The following UBE3B variants were observed in gnomAD, a reference collection of about 807,000 sequenced individuals.
The protein encoded by UBE3B is ubiquitin-protein ligase E3B.
UBE3B carries 80 observed loss-of-function variants against 132.3 expected under a neutral mutation model. That is an observed-to-expected ratio of 0.60 (90% confidence interval 0.50 to 0.73). The LOEUF is 0.73. Among genes scored for constraint, UBE3B ranks in the 30% least tolerant of loss-of-function variants. The pLI, the probability that UBE3B is intolerant of heterozygous loss-of-function variation, is 0.00. For synonymous variants in UBE3B, 487 were observed against 520.4 expected, an observed-to-expected ratio of 0.94 and a Z score of 0.87; for missense variants, 1,196 against 1,362.5, an observed-to-expected ratio of 0.88 and a Z score of 1.92.
intron 6 of UBE3B, among the ~76,000 whole-genome samples, chr12:109,487,805 C>A (rs998432624): frequency 1.3e-5 from 2 of 152,196 alleles, no homozygotes; most frequent in Admixed American, 1.3e-4. Flanking sequence ...CTGTTCATTT[C>A]CCACGTGGCC....
chr12:109,541,165 C>G (rs948293619), downstream of UBE3B, among the ~76,000 whole-genome samples: 8 of 152,228 alleles, frequency 5.3e-5, no homozygotes, highest in South Asian at 1.7e-3. Flanking sequence ...AGCTAGGGTC[C>G]CCTCACTAGT....
chr12:109,533,696 G>A lies in UBE3B; in HGVS notation c.3015+138G>A, dbSNP rs769175062. ...GGACCCCTCAGAGCCAAGTGAGGAG[G>A]GCCCCACAGTTCTCACGGCAGGAGA... On this transcript the variant is annotated intron_variant, in intron 27 of 27. Coordinates refer to ENST00000342494, the MANE Select transcript of UBE3B (RefSeq NM_130466.4). 11 of 931,066 alleles carry A rather than the reference G, an allele frequency of 1.2e-5. No individual in the cohort carries two copies. In the South Asian group the frequency reaches 1.4e-4, roughly 11 times the overall value. 57.7% of individuals were successfully genotyped at this position (931,066 alleles called of 1,614,324 possible).
At chr12:109,510,693 A>G (rs922190444) in intron 17 of UBE3B, among the ~76,000 whole-genome samples, 5 of 152,252 alleles carry the variant, frequency 3.3e-5, no homozygotes, top group Non-Finnish European at 7.3e-5. Context: ...GAGCCAGATT[A>G]TATTTAGCAT....
chr12:109,486,721 A>C, intron 6 of UBE3B, 146 bp downstream of exon 6: 1 of 702,872 alleles, frequency 1.4e-6, no homozygotes, highest in Non-Finnish European at 2.3e-6. Context: ...AGGAATTTTG[A>C]TTCTGTTATC....
chr12:109,494,376 C>T (rs1477671407), intron 9 of UBE3B, among the ~76,000 whole-genome samples: 1 of 152,320 alleles, frequency 6.6e-6, no homozygotes, highest in South Asian at 2.1e-4. Flanking sequence ...GTTCCTCACA[C>T]TGCCGTGGCA....
intron 4 of UBE3B, 160 bp downstream of exon 4, chr12:109,484,141 G>C: frequency 1.4e-6 from 1 of 690,454 alleles, no homozygotes; most frequent in Non-Finnish European, 2.2e-6. Flanking sequence ...GAGGGATTAT[G>C]CCCAGTGCTT....
intron 9 of UBE3B, among the ~76,000 whole-genome samples, chr12:109,495,795 T>G (rs1419055379): frequency 6.6e-6 from 1 of 152,222 alleles, no homozygotes; most frequent in Non-Finnish European, 1.5e-5. Flanking sequence ...CTCATGCTAT[T>G]GTTTGTGGTT....
At chr12:109,514,380 G>A (rs1235315313) in intron 18 of UBE3B, among the ~76,000 whole-genome samples, 5 of 152,210 alleles carry the variant, frequency 3.3e-5, no homozygotes, top group Non-Finnish European at 7.3e-5. Context: ...CACTGCAGTC[G>A]CTGAGGTTGC....
chr12:109,544,302 A>G, the UBE3B span, among the ~76,000 whole-genome samples: 1 of 143,058 alleles, frequency 7.0e-6, no homozygotes, highest in Non-Finnish European at 1.5e-5. Flanking sequence ...GAGAGAGGGA[A>G]GTTGGGGTGC....
chr12:109,477,742 G>A lies in UBE3B; in HGVS notation c.-495G>A, dbSNP rs1874533362. The A allele has an allele frequency of 5.9e-6, 1 of 169,494 alleles. No homozygotes were observed. The highest frequency in any genetic ancestry group is 2.4e-5 in the African/African-American group (1 of 41,714). The allele number at this position is 169,494 out of a possible 1,614,324, so 10.5% of individuals were successfully genotyped here. ...GGCAGCTGCGGCCCCGACCCCAAGTGCGGGGACCTCCGGCGAATAAAGGTC... is the reference window on the plus strand; with the variant it reads ...GGCAGCTGCGGCCCCGACCCCAAGTACGGGGACCTCCGGCGAATAAAGGTC... On this transcript the variant is annotated 5_prime_UTR_variant, in exon 1 of 28. Coordinates refer to ENST00000342494, the MANE Select transcript of UBE3B (RefSeq NM_130466.4).
At position 109,534,622 on chromosome 12, in the gene UBE3B, G is replaced by A. The variant is rs745426222; in HGVS notation, c.3047G>A (p.Arg1016Gln). The A allele has an allele frequency of 2.1e-5, 34 of 1,610,948 alleles. No individual in the cohort carries two copies. Among genetic ancestry groups the A allele is most frequent in the Admixed American group, 5.0e-5 (3 of 59,634 alleles). The change falls in exon 28 of 28, where the codon CGG becomes CAG. Residue 1016 changes from arginine to glutamine, a missense_variant. Transcript: ENST00000342494. The surrounding 1 kb of genome is among the most constrained non-coding windows in gnomAD (Gnocchi z 5.2). ...DTGDTLGSVL[R>Q]GFFTIRKREP... Reference sequence around the variant, plus strand: ...GGGGACACTCTGGGCAGCGTCCTCCGGGGCTTCTTCACCATCCGCAAGCGG... The same window carrying A: ...GGGGACACTCTGGGCAGCGTCCTCCAGGGCTTCTTCACCATCCGCAAGCGG...
chr12:109,533,749 C>T (rs1287299178), intron 27 of UBE3B, 191 bp downstream of exon 27: 3 of 823,132 alleles, frequency 3.6e-6, no homozygotes, highest in Non-Finnish European at 2.0e-6. Flanking sequence ...AGACTGCCCA[C>T]GGACTCAGCC....
intron 13 of UBE3B, among the ~76,000 whole-genome samples, 185 bp downstream of exon 13, chr12:109,501,719 A>C (rs1381409914): frequency 6.6e-6 from 1 of 152,170 alleles, no homozygotes; most frequent in Non-Finnish European, 1.5e-5. Context: ...TGGCATGATC[A>C]TAGCTTACTA....
In UBE3B at chr12:109,509,643, T is replaced by G. The variant is rs1880113863; in HGVS notation, c.1670T>G (p.Leu557Arg). The G allele has an allele frequency of 6.2e-7, 1 of 1,611,448 alleles. No homozygotes were observed. The highest frequency in any genetic ancestry group is 1.1e-5 in the South Asian group (1 of 90,220). The change falls in exon 16 of 28, where the codon CTG becomes CGG. Residue 557 changes from leucine to arginine, a missense_variant. Leu to Arg is a moderately radical substitution (Grantham distance 102). Transcript: ENST00000342494. ...TATGAAGAACAGATTTCATTCAAAC[T>G]GGAAGAGCTGGTCACTATCTCCTCT... ...EVYEEQISFKLEELVTISSFL... is the reference protein window; with the variant it reads ...EVYEEQISFKREELVTISSFL...
Position 109,503,163 on chromosome 12 carries a change from A to T in UBE3B, c.1423A>T (p.Thr475Ser), listed in dbSNP as rs370965720. 4.5e-5 allele frequency: 72 copies of T among 1,614,058 alleles called. No individual in the cohort carries two copies. Among genetic ancestry groups the T allele is most frequent in the Non-Finnish European group, 5.6e-5 (66 of 1,180,010 alleles). Reference protein sequence around the residue: ...VLYQTSLTTLTQIRLQILTGL... With the variant: ...VLYQTSLTTLSQIRLQILTGL... ...CTACCAGACCTCGCTGACAACTCTC[A>T]CACAGATTCGGCTGCAGATACTCAC... is the stretch of plus-strand genomic sequence containing the variant. Residue 475 changes from threonine to serine, a missense_variant, in exon 14 of 28, where the codon ACA becomes TCA. Coordinates refer to ENST00000342494, the MANE Select transcript of UBE3B (RefSeq NM_130466.4).
At chr12:109,509,787 C>A in intron 16 of UBE3B, 73 bp downstream of exon 16, 1 of 902,740 alleles carries the variant, frequency 1.1e-6, no homozygotes, top group Non-Finnish European at 1.7e-6. Context: ...ATGGCATCAA[C>A]TGATTCTTAG....
At chr12:109,506,593 C>T (rs1322052279) in intron 14 of UBE3B, among the ~76,000 whole-genome samples, 1 of 152,220 alleles carries the variant, frequency 6.6e-6, no homozygotes, top group African/African-American at 2.4e-5. Context: ...TCAGATGATC[C>T]ACCCGCCTCA....
At chr12:109,491,835 C>G (rs1877506827) in intron 9 of UBE3B, 1 of 152,210 alleles carries the variant, frequency 6.6e-6, no homozygotes, top group South Asian at 2.1e-4. Context: ...GCTGAGAGCT[C>G]TGAGAAGTGC....
chr12:109,483,624 G>T lies in UBE3B; in HGVS notation c.73G>T (p.Val25Leu). Residue 25 changes from valine to leucine, a missense_variant, in exon 3 of 28, where the codon GTG becomes TTG. Coordinates refer to ENST00000342494, the MANE Select transcript of UBE3B (RefSeq NM_130466.4). ...RARQAREERLVQKERERAAVV... is the reference protein window; with the variant it reads ...RARQAREERLLQKERERAAVV... ...CCGTCAGGCACGAGAAGAAAGGCTT[G>T]TGCAGAAGGAACGGGAGCGGGCAGC... The T allele has an allele frequency of 6.2e-7, 1 of 1,613,410 alleles. No homozygotes were observed.
Sources: gnomAD v4.1 joint callset for allele counts (sites outside exome capture counted in the v4.1 genomes callset) on GRCh38, gnomAD v4.1.1 for gene constraint, Gnocchi (gnomAD v3.1) non-coding constraint, MANE v1.5 for transcripts, NCBI Gene and HGNC (gene_info 2026-07-23, HGNC 2026-07-21) for gene names.